Variants in NEU3 observed in about 807,000 individuals in gnomAD.
The protein encoded by NEU3 is sialidase-3.
Under a neutral mutation model 11.4 loss-of-function variants are expected in NEU3, and 10 were observed. The ratio of observed to expected loss-of-function variants is 0.88; its 90% confidence interval spans 0.54 to 1.49. The LOEUF (loss-of-function observed/expected upper bound fraction) is 1.49. Among genes scored for constraint, NEU3 ranks in the 40% most tolerant of loss-of-function variants. The pLI is 0.00. For missense variants in NEU3, 529 were observed against 581.8 expected, an observed-to-expected ratio of 0.91 and a Z score of 0.93; for synonymous variants, 212 against 228.2, an observed-to-expected ratio of 0.93 and a Z score of 0.64.
chr11:74,990,223 C>T (rs1007920184), intron 1 of NEU3: 4 of 505,544 alleles, frequency 7.9e-6, no homozygotes, highest in Non-Finnish European at 1.4e-5. Flanking sequence ...CCATAGTTTA[C>T]AAGCAAGGAA....
In NEU3 at chr11:75,009,549, G is replaced by C. The variant is rs935661680; in HGVS notation, c.*3057G>C. The stretch of plus-strand genomic sequence containing the variant: ...TAGGATGGAAAAGACAGGGCAGGTG[G>C]TAGCAGCTGTGAAGAAAAGAGGAAA... On this transcript the variant is annotated 3_prime_UTR_variant, in exon 3 of 3. Transcript: ENST00000294064. 4 of 152,460 alleles carry C rather than the reference G, an allele frequency of 2.6e-5. No homozygotes were observed. The highest frequency in any genetic ancestry group is 5.9e-5 in the Non-Finnish European group (4 of 68,264). The allele number at this position is 152,460 out of a possible 1,614,324, so 9.4% of individuals were successfully genotyped here.
downstream of NEU3, among the ~76,000 whole-genome samples, chr11:75,011,608 T>A (rs1948955859): frequency 6.6e-6 from 1 of 152,190 alleles, no homozygotes; most frequent in African/African-American, 2.4e-5. Flanking sequence ...TGATAAGGGT[T>A]GAGAGGCGGC....
Position 75,010,370 on chromosome 11 carries a change from C to T in NEU3, c.*3878C>T, listed in dbSNP as rs1591764568. 2 of 152,358 alleles carry T rather than the reference C, an allele frequency of 1.3e-5. No homozygotes were observed. Among genetic ancestry groups the T allele is most frequent in the Admixed American group, 1.3e-4 (2 of 15,300 alleles). The allele number at this position is 152,358 out of a possible 1,614,324, so 9.4% of individuals were successfully genotyped here. On this transcript the variant is annotated 3_prime_UTR_variant, in exon 3 of 3. Transcript: ENST00000294064. ...AACAGAGTAGCTAGCAGTAAAGATA[C>T]ACTGAATGAATGAATGAGTCAACCA...
downstream of NEU3, among the ~76,000 whole-genome samples, chr11:75,012,090 G>C (rs1948959262): frequency 6.6e-6 from 1 of 152,220 alleles, no homozygotes; most frequent in East Asian, 1.9e-4. Flanking sequence ...TTGATTGATA[G>C]TCCCTGAGTG....
intron 2 of NEU3, among the ~76,000 whole-genome samples, chr11:74,997,333 A>G (rs925399457): frequency 1.3e-5 from 2 of 152,190 alleles, no homozygotes; most frequent in African/African-American, 4.8e-5. Context: ...ATCCTCTGCT[A>G]CTTTCCAACT....
upstream of NEU3, among the ~76,000 whole-genome samples, chr11:74,986,814 GATTT>G (rs1220893186): frequency 6.6e-6 from 1 of 152,000 alleles, no homozygotes; most frequent in East Asian, 1.9e-4. Context: ...ACCTTTTTGG[GATTT>G]ATTCTGTTCT....
At chr11:74,984,655 G>T (rs1304523581), upstream of NEU3, among the ~76,000 whole-genome samples, 1 of 152,068 alleles carries the variant, frequency 6.6e-6, no homozygotes, top group Non-Finnish European at 1.5e-5. Flanking sequence ...TTACTTGATC[G>T]CATTACTTAA....
rs1948936697 is a variant in NEU3, at chr11:75,009,683, C to T, written c.*3191C>T. The T allele has an allele frequency of 1.3e-5, 2 of 152,326 alleles. No individual in the cohort carries two copies. Among genetic ancestry groups the T allele is most frequent in the Admixed American group, 1.3e-4 (2 of 15,282 alleles). The allele number at this position is 152,326 out of a possible 1,614,324, so 9.4% of individuals were successfully genotyped here. On this transcript the variant is annotated 3_prime_UTR_variant, in exon 3 of 3. Coordinates refer to ENST00000294064, the MANE Select transcript of NEU3 (RefSeq NM_006656.6). ...TCCCTTGGACTCAGAATGGATCCTT[C>T]CAGCACACATGGCCCAACACTGAGA...
chr11:75,005,526 G>A lies in NEU3; in HGVS notation c.420G>A (p.Val140=), dbSNP rs910904505. Residue 140 remains valine (V), a synonymous_variant, in exon 3 of 3, where the codon GTG becomes GTA. Coordinates refer to ENST00000294064, the MANE Select transcript of NEU3 (RefSeq NM_006656.6). ...SGCVFLFFIC[V]RGHVTERQQI... is the part of the protein sequence containing the mutation. ...GTGTGTTCCTGTTCTTCATCTGTGTGCGGGGCCATGTCACAGAGCGTCAAC... is the reference window on the plus strand; with the variant it reads ...GTGTGTTCCTGTTCTTCATCTGTGTACGGGGCCATGTCACAGAGCGTCAAC... The A allele has an allele frequency of 6.8e-6, 11 of 1,613,876 alleles. No homozygotes were observed. Among genetic ancestry groups the A allele is most frequent in the South Asian group, 3.3e-5 (3 of 91,082 alleles).
In NEU3 at chr11:75,009,471, C is replaced by T. The variant is rs1268804293; in HGVS notation, c.*2979C>T. 1 of 152,254 alleles carries T rather than the reference C, an allele frequency of 6.6e-6. No homozygotes were observed. The allele number at this position is 152,254 out of a possible 1,614,324, so 9.4% of individuals were successfully genotyped here. ...CCCAAGGCCTTCAGGGCCCTGGGAC[C>T]TATTCCATGATAGTGGTACCCTAAC... On this transcript the variant is annotated 3_prime_UTR_variant, in exon 3 of 3. Coordinates refer to ENST00000294064, the MANE Select transcript of NEU3 (RefSeq NM_006656.6).
chr11:74,991,688 G>A (rs892454514), intron 1 of NEU3, among the ~76,000 whole-genome samples: 13 of 152,128 alleles, frequency 8.5e-5, no homozygotes, highest in Non-Finnish European at 1.8e-4. Flanking sequence ...CCACCTTACT[G>A]TAGTCACACT....
At chr11:74,998,471 A>G (rs572700219) in intron 2 of NEU3, among the ~76,000 whole-genome samples, 23 of 152,312 alleles carry the variant, frequency 1.5e-4, no homozygotes, top group African/African-American at 5.5e-4. Flanking sequence ...AGTGAGACAA[A>G]TGAGACAATG....
In NEU3 at chr11:75,008,531, G is replaced by A. The variant is rs1948922593; in HGVS notation, c.*2039G>A. The A allele has an allele frequency of 6.6e-6, 1 of 150,720 alleles. No individual in the cohort carries two copies. The highest frequency in any genetic ancestry group is 1.5e-5 in the Non-Finnish European group (1 of 67,896). The allele number at this position is 150,720 out of a possible 1,614,324, so 9.3% of individuals were successfully genotyped here. A position where few individuals can be genotyped will look rare whatever the true frequency, so the allele number is the denominator to read the frequency against. On this transcript the variant is annotated 3_prime_UTR_variant, in exon 3 of 3. Transcript: ENST00000294064. ...CCAAGTCGTACAACCAGGGCTAAAG[G>A]ATGAAAAGAATGAGAATATCAACTT...
In NEU3 at chr11:75,005,659, G is replaced by T. The variant is rs775729527; in HGVS notation, c.553G>T (p.Glu185Ter). Residue 185 changes from glutamate to a stop codon, truncating the protein, a stop_gained, in exon 3 of 3, where the codon GAG becomes TAG. Transcript: ENST00000294064. LOFTEE classifies it low-confidence loss of function (END_TRUNC). ...CTTGACTGAGGAGGTCATTGGCTCA[G>T]AGCTGAAGCACTGGGCCACATTTGC... ...RDLTEEVIGS[E>*]LKHWATFAVG... 1.2e-6 allele frequency: 2 copies of T among 1,614,046 alleles called. No individual in the cohort carries two copies. The highest frequency in any genetic ancestry group is 2.2e-5 in the South Asian group (2 of 91,090).
intron 3 of NEU3, among the ~76,000 whole-genome samples, chr11:75,016,575 T>C (rs1029147744): frequency 3.9e-5 from 6 of 152,244 alleles, no homozygotes; most frequent in African/African-American, 1.2e-4. Flanking sequence ...TCCCCTAGCA[T>C]AGTGGGACTT....
Position 75,006,441 on chromosome 11 carries a change from G to A in NEU3, c.1335G>A (p.Gln445=). ...ACCGGGAGATCCTGAGTCACCTGCA[G>A]GGGGACTGCACCAGCCCTGGTAGGA... The part of the protein sequence containing the change: ...FTHREILSHL[Q]GDCTSPGRNP... The change falls in exon 3 of 3, where the codon CAG becomes CAA. Residue 445 remains glutamine (Q), a synonymous_variant. Coordinates refer to ENST00000294064, the MANE Select transcript of NEU3 (RefSeq NM_006656.6). 1 of 1,613,872 alleles carries A rather than the reference G, an allele frequency of 6.2e-7. No homozygotes were observed. The highest frequency in any genetic ancestry group is 8.5e-7 in the Non-Finnish European group (1 of 1,179,816).
In NEU3 at chr11:75,006,172, A is replaced by C. The variant is rs143740329; in HGVS notation, c.1066A>C (p.Thr356Pro). The C allele has an allele frequency of 2.6e-3, 4,183 of 1,614,032 alleles. 35 individuals carry two copies. Among genetic ancestry groups the C allele is most frequent in the South Asian group, 0.016 (1,475 of 91,078 alleles). ...ACTGAGGCTGGAGGAGGAAGCTGGA[A>C]CACCGTCAGAATCATGGCTCTTGTA... ...SSLRLEEEAG[T>P]PSESWLLYSH... The change falls in exon 3 of 3, where the codon ACA (threonine) becomes CCA (proline). Residue 356 changes from threonine to proline, a missense_variant. By Grantham distance (38) the Thr-to-Pro change is conservative. Coordinates refer to ENST00000294064, the MANE Select transcript of NEU3 (RefSeq NM_006656.6).
chr11:75,004,110 G>A (rs978114135), intron 2 of NEU3, among the ~76,000 whole-genome samples: 1 of 152,074 alleles, frequency 6.6e-6, no homozygotes, highest in Non-Finnish European at 1.5e-5. Context: ...GGGCATGATG[G>A]GAAAGGATAA....
chr11:75,011,207 G>C (rs1362821620), downstream of NEU3, among the ~76,000 whole-genome samples: 1 of 152,192 alleles, frequency 6.6e-6, no homozygotes, highest in East Asian at 1.9e-4. Flanking sequence ...CAGTGCTGGT[G>C]CTTGCCACTG....
Sources: gnomAD v4.1 joint callset for allele counts (sites outside exome capture counted in the v4.1 genomes callset) on GRCh38, gnomAD v4.1.1 for gene constraint, MANE v1.5 for transcripts, NCBI Gene and HGNC (gene_info 2026-07-23, HGNC 2026-07-21) for gene names.